TMEM132D: variants seen among roughly 807,000 people sequenced by gnomAD.
TMEM132D encodes the protein transmembrane protein 132D, also known as mature OL transmembrane protein.
A neutral mutation model predicts 62.3 loss-of-function variants in TMEM132D; 21 were observed. The observed-to-expected ratio is 0.34, with a 90% CI of 0.24 to 0.49. TMEM132D has a LOEUF of 0.49. Ranked by LOEUF, TMEM132D falls within the 20% of genes least tolerant of loss-of-function variation. The probability of loss-of-function intolerance (pLI) is 0.99; values close to 1 mark genes in which losing one functional copy is unlikely to be tolerated. For missense variants in TMEM132D, 1,346 were observed against 1,402.8 expected (o/e 0.96, Z 0.65); for synonymous variants, 621 against 575.6 (o/e 1.08, Z -1.13).
At chr12:129,552,187 G>C (rs1876916848) in intron 2 of TMEM132D, among the ~76,000 whole-genome samples, 1 of 152,168 alleles carries the variant, frequency 6.6e-6, no homozygotes, top group South Asian at 2.1e-4. Flanking sequence ...TAAATACACT[G>C]TATGTAGATC....
intron 2 of TMEM132D, among the ~76,000 whole-genome samples, chr12:129,534,473 C>A (rs1395120641): frequency 1.3e-5 from 2 of 151,440 alleles, no homozygotes; most frequent in Non-Finnish European, 2.9e-5. Context: ...TATATGTATA[C>A]ATAATGTAGA....
At chr12:129,125,369 A>G (rs1255643849) in intron 5 of TMEM132D, among the ~76,000 whole-genome samples, 2 of 152,212 alleles carry the variant, frequency 1.3e-5, no homozygotes, top group Non-Finnish European at 2.9e-5. Flanking sequence ...TGTAAGACAC[A>G]ATTCCCCTAG....
At chr12:129,726,080 C>T (rs1220955073) in intron 1 of TMEM132D, among the ~76,000 whole-genome samples, 3 of 152,194 alleles carry the variant, frequency 2.0e-5, no homozygotes, top group African/African-American at 4.8e-5. Flanking sequence ...ATAGACAACA[C>T]TTCATAGGTG....
chr12:129,317,996 T>C (rs1186611894), intron 4 of TMEM132D, among the ~76,000 whole-genome samples: 1 of 152,218 alleles, frequency 6.6e-6, no homozygotes, highest in African/African-American at 2.4e-5. Context: ...TGAATTTTTT[T>C]GTTTTTTTCT....
intron 5 of TMEM132D, chr12:129,170,278 A>T (rs920713383): frequency 3.3e-5 from 5 of 152,222 alleles, no homozygotes; most frequent in African/African-American, 1.2e-4. Context: ...GTAATTCACC[A>T]ACAGAGTTGG....
At chr12:129,152,358 C>A (rs970721658) in intron 5 of TMEM132D, among the ~76,000 whole-genome samples, 3 of 152,166 alleles carry the variant, frequency 2.0e-5, no homozygotes, top group Non-Finnish European at 4.4e-5. Context: ...AGCCCCAGGT[C>A]CATCTCATCT....
intron 2 of TMEM132D, among the ~76,000 whole-genome samples, chr12:129,605,604 T>TATATATATATATATATATATAC (rs150550863): frequency 1.0e-4 from 11 of 106,276 alleles, no homozygotes; most frequent in African/African-American, 3.1e-4. Context: ...TATATATATA[T>TATATATATATATATATATATAC]ACACACACAT....
intron 1 of TMEM132D, among the ~76,000 whole-genome samples, chr12:129,743,265 T>G (rs1315855833): frequency 1.3e-5 from 2 of 152,230 alleles, no homozygotes; most frequent in East Asian, 3.9e-4. Flanking sequence ...CATCCACTTT[T>G]CATCTTGAAT....
At chr12:129,199,513 A>T (rs1311207862) in intron 5 of TMEM132D, among the ~76,000 whole-genome samples, 2 of 152,226 alleles carry the variant, frequency 1.3e-5, no homozygotes, top group Admixed American at 6.5e-5. Flanking sequence ...AACTTACAAG[A>T]TGAGCCTACA....
At chr12:129,618,368 G>A (rs768920074) in intron 2 of TMEM132D, among the ~76,000 whole-genome samples, 33 of 152,184 alleles carry the variant, frequency 2.2e-4, no homozygotes, top group Non-Finnish European at 4.4e-4. Flanking sequence ...ACATCAGAAA[G>A]CAATTGGAAC....
At chr12:129,610,740 T>TA (rs71451322) in intron 2 of TMEM132D, among the ~76,000 whole-genome samples, 23,734 of 145,484 alleles carry the variant, frequency 0.16, 2,023 homozygotes, top group Middle Eastern at 0.26. Context: ...GATGTTAACA[T>TA]AAAAAAAAAA....
At chr12:129,223,830 G>C (rs552191266) in intron 4 of TMEM132D, among the ~76,000 whole-genome samples, 5 of 152,278 alleles carry the variant, frequency 3.3e-5, no homozygotes, top group Admixed American at 2.0e-4. Flanking sequence ...TACAAAGGTT[G>C]GATCTCAGAG....
chr12:129,715,223 G>T (rs1320767898), intron 1 of TMEM132D, among the ~76,000 whole-genome samples: 1 of 152,116 alleles, frequency 6.6e-6, no homozygotes, highest in Non-Finnish European at 1.5e-5. Flanking sequence ...ACAGAGAAAG[G>T]TAAGGGGAGG....
intron 2 of TMEM132D, among the ~76,000 whole-genome samples, chr12:129,649,255 G>A (rs1879862629): frequency 6.6e-6 from 1 of 152,156 alleles, no homozygotes; most frequent in African/African-American, 2.4e-5. Flanking sequence ...CGAACAAGGT[G>A]TCATCAGGAA....
intron 3 of TMEM132D, among the ~76,000 whole-genome samples, chr12:129,421,873 C>T (rs1872334313): frequency 6.6e-6 from 1 of 152,020 alleles, no homozygotes. Context: ...TTATTTAAAG[C>T]AAGTTTTAAT....
At chr12:129,863,051 G>A (rs1162673055) in intron 1 of TMEM132D, among the ~76,000 whole-genome samples, 2 of 152,188 alleles carry the variant, frequency 1.3e-5, no homozygotes, top group African/African-American at 2.4e-5. Context: ...AGAGAACCGA[G>A]GCATTGAAAA....
intron 1 of TMEM132D, among the ~76,000 whole-genome samples, chr12:129,742,530 C>A (rs534107562): frequency 2.0e-5 from 3 of 152,204 alleles, no homozygotes; most frequent in Non-Finnish European, 2.9e-5. Context: ...CACATTTCAA[C>A]ATGAGATTAA....
chr12:129,810,300 T>G (rs1173454983), intron 1 of TMEM132D, among the ~76,000 whole-genome samples: 1 of 152,184 alleles, frequency 6.6e-6, no homozygotes, highest in Non-Finnish European at 1.5e-5. Flanking sequence ...TCCATATATT[T>G]TTTTTAAAAT....
chr12:129,313,405 A>T (rs980192658), intron 4 of TMEM132D, among the ~76,000 whole-genome samples: 6 of 152,172 alleles, frequency 3.9e-5, no homozygotes, highest in Non-Finnish European at 7.3e-5. Flanking sequence ...CATATCAGTG[A>T]GGACATACAA....
Sources: gnomAD v4.1 joint callset for allele counts (sites outside exome capture counted in the v4.1 genomes callset) on GRCh38, gnomAD v4.1.1 for gene constraint, MANE v1.5 for transcripts, NCBI Gene and HGNC (gene_info 2026-07-23, HGNC 2026-07-21) for gene names.